The following NDUFA9 variants were observed in gnomAD, a reference collection of about 807,000 sequenced individuals.
NDUFA9 encodes the protein NADH dehydrogenase [ubiquinone] 1 alpha subcomplex subunit 9, mitochondrial.
In NDUFA9, 23 loss-of-function variants were observed where a neutral mutation model predicts 45.9. The observed-to-expected ratio is 0.50, with a 90% CI of 0.36 to 0.71. The LOEUF (loss-of-function observed/expected upper bound fraction) is 0.71. NDUFA9 is among the 30% of genes least tolerant of loss of function. The pLI, the probability that NDUFA9 is intolerant of heterozygous loss-of-function variation, is 0.00. For missense variants in NDUFA9, 466 were observed against 488.2 expected, an observed-to-expected ratio of 0.95 and a Z score of 0.43; for synonymous variants, 176 against 170.5, an observed-to-expected ratio of 1.03 and a Z score of -0.25.
chr12:4,658,823 C>T (rs1165693916), intron 4 of NDUFA9, among the ~76,000 whole-genome samples: 2 of 152,150 alleles, frequency 1.3e-5, no homozygotes, highest in African/African-American at 4.8e-5. Flanking sequence ...CTCCTGGGCT[C>T]AAATGATTCA....
chr12:4,653,037 C>T (rs1268245619), intron 1 of NDUFA9, among the ~76,000 whole-genome samples: 1 of 152,242 alleles, frequency 6.6e-6, no homozygotes, highest in African/African-American at 2.4e-5. Context: ...GAATGCTAAG[C>T]TCCGAAGTTT....
intron 7 of NDUFA9, among the ~76,000 whole-genome samples, chr12:4,668,987 A>T (rs1335143590): frequency 6.6e-6 from 1 of 152,238 alleles, no homozygotes; most frequent in African/African-American, 2.4e-5. Flanking sequence ...GGTAAGCCTG[A>T]TGAAAGGAGT....
Position 4,687,091 on chromosome 12 carries a change from A to G in NDUFA9, c.1117A>G (p.Lys373Glu). 2 of 1,614,134 alleles carry G rather than the reference A, an allele frequency of 1.2e-6. No homozygotes were observed. Among genetic ancestry groups the G allele is most frequent in the Non-Finnish European group, 1.7e-6 (2 of 1,180,022 alleles). Residue 373 changes from lysine to glutamate, a missense_variant, in exon 11 of 11, where the codon AAG becomes GAG. Transcript: ENST00000266544. Reference sequence around the variant, plus strand: ...TGAAATTGAGGATGTGAAGCCGGCCAAGACCGTCAACATTTAGTGCCTCCT... The same window carrying G: ...TGAAATTGAGGATGTGAAGCCGGCCGAGACCGTCAACATTTAGTGCCTCCT... Reference protein sequence around the residue: ...SAEIEDVKPAKTVNI With the variant: ...SAEIEDVKPAETVNI
At chr12:4,664,591 A>G (rs746525274) in intron 6 of NDUFA9, among the ~76,000 whole-genome samples, 1 of 152,142 alleles carries the variant, frequency 6.6e-6, no homozygotes, top group Non-Finnish European at 1.5e-5. Flanking sequence ...TTGGAGGTAC[A>G]GCTGCCTGAT....
chr12:4,694,190 C>G lies in NDUFA9; in HGVS notation c.*7082C>G, dbSNP rs1183955269. The G allele has an allele frequency of 6.6e-6, 1 of 152,196 alleles. No homozygotes were observed. Among genetic ancestry groups the G allele is most frequent in the Non-Finnish European group, 1.5e-5 (1 of 68,028 alleles). 9.4% of individuals were successfully genotyped at this position (152,196 alleles called of 1,614,324 possible). On this transcript the variant is annotated 3_prime_UTR_variant, in exon 11 of 11. Transcript: ENST00000266544. ...TACATTGTGTCTTAGCGTAGATTCA[C>G]CCGACCTCCTTCCCCAGTTTTGCTT...
At chr12:4,653,631 A>C (rs779047328) in intron 1 of NDUFA9, 51 of 452,728 alleles carry the variant, frequency 1.1e-4, no homozygotes, top group Non-Finnish European at 1.8e-4. Context: ...TTTCTCAAGC[A>C]CTTCACTCCT....
intron 8 of NDUFA9, among the ~76,000 whole-genome samples, chr12:4,679,704 CAGTT>C (rs1029189599): frequency 2.4e-4 from 37 of 152,222 alleles, no homozygotes; most frequent in African/African-American, 8.9e-4. Flanking sequence ...GTGGAGGCAA[CAGTT>C]AGGTAACTAT....
At chr12:4,669,378 A>G (rs1176031562) in intron 7 of NDUFA9, among the ~76,000 whole-genome samples, 1 of 152,230 alleles carries the variant, frequency 6.6e-6, no homozygotes, top group Non-Finnish European at 1.5e-5. Flanking sequence ...GAATGGTAAG[A>G]GATGAGCTTG....
At chr12:4,657,655 C>A in intron 3 of NDUFA9, 93 bp from the exon 4 acceptor site, 1 of 869,420 alleles carries the variant, frequency 1.2e-6, no homozygotes, top group Non-Finnish European at 1.9e-6. Flanking sequence ...CAGCAGATGG[C>A]CCATTTTGAA....
At chr12:4,664,728 T>G (rs1035713944) in intron 6 of NDUFA9, among the ~76,000 whole-genome samples, 2 of 152,166 alleles carry the variant, frequency 1.3e-5, no homozygotes, top group African/African-American at 4.8e-5. Flanking sequence ...GTCCTGAAGG[T>G]GAGACCACCA....
chr12:4,678,293 A>T (rs912583353), intron 8 of NDUFA9, among the ~76,000 whole-genome samples: 2 of 152,054 alleles, frequency 1.3e-5, no homozygotes, highest in East Asian at 1.9e-4. Flanking sequence ...TAAAAAAAAA[A>T]TTTCAATTGG....
intron 7 of NDUFA9, among the ~76,000 whole-genome samples, chr12:4,669,338 A>G (rs1377683585): frequency 6.6e-6 from 1 of 152,210 alleles, no homozygotes; most frequent in Non-Finnish European, 1.5e-5. Flanking sequence ...GTTAAGCCTA[A>G]TAGCTTGTGA....
In NDUFA9 at chr12:4,674,238, C is replaced by T. The variant is rs188733469; in HGVS notation, c.800+4421C>T. 5.2e-3 allele frequency among the ~76,000 whole-genome samples: 787 copies of T among 152,284 alleles called. 4 individuals are homozygous for T. Among genetic ancestry groups the T allele is most frequent in the African/African-American group, 0.017 (725 of 41,550 alleles). On this transcript the variant is annotated intron_variant, in intron 8 of 10. Coordinates refer to ENST00000266544, the MANE Select transcript of NDUFA9 (RefSeq NM_005002.5). Reference sequence around the variant, plus strand: ...CATACCAAATTCTTAAGACCATTGACGCTATGAAGAAACTGCATCAACTAA... The same window carrying T: ...CATACCAAATTCTTAAGACCATTGATGCTATGAAGAAACTGCATCAACTAA...
chr12:4,692,140 A>C lies in NDUFA9; in HGVS notation c.*5032A>C, dbSNP rs954304838. The C allele has an allele frequency of 1.3e-5, 2 of 152,180 alleles. No homozygotes were observed. The highest frequency in any genetic ancestry group is 4.8e-5 in the African/African-American group (2 of 41,442). 9.4% of individuals were successfully genotyped at this position (152,180 alleles called of 1,614,324 possible). A position where few individuals can be genotyped will look rare whatever the true frequency, so the allele number is the denominator to read the frequency against. On this transcript the variant is annotated 3_prime_UTR_variant, in exon 11 of 11. Coordinates refer to ENST00000266544, the MANE Select transcript of NDUFA9 (RefSeq NM_005002.5). Reference sequence around the variant, plus strand: ...ATGCTCTAAGGGAAGTCAGGTGCCTAATATTGGTGATGTGGTTTGGATGTC... The same window carrying C: ...ATGCTCTAAGGGAAGTCAGGTGCCTCATATTGGTGATGTGGTTTGGATGTC...
chr12:4,684,075 C>T (rs1190909950), intron 9 of NDUFA9, among the ~76,000 whole-genome samples: 2 of 152,108 alleles, frequency 1.3e-5, no homozygotes, highest in Admixed American at 6.5e-5. Context: ...CCACTGAGGA[C>T]ACTAGAATAG....
intron 1 of NDUFA9, among the ~76,000 whole-genome samples, chr12:4,652,118 A>G (rs1281283621): frequency 6.6e-6 from 1 of 152,208 alleles, no homozygotes; most frequent in Non-Finnish European, 1.5e-5. Context: ...CATAAACTCT[A>G]ATAGTTGATA....
chr12:4,664,531 A>G (rs1252655869), intron 6 of NDUFA9, among the ~76,000 whole-genome samples: 2 of 152,206 alleles, frequency 1.3e-5, no homozygotes. Context: ...CTCAGTTTAA[A>G]CACCACATGG....
At chr12:4,652,342 A>T (rs1044099695) in intron 1 of NDUFA9, among the ~76,000 whole-genome samples, 1 of 152,122 alleles carries the variant, frequency 6.6e-6, no homozygotes, top group Non-Finnish European at 1.5e-5. Context: ...AAACAAACCT[A>T]TTCCTGTCCT....
chr12:4,659,698 G>C (rs1945812839), intron 5 of NDUFA9, among the ~76,000 whole-genome samples: 1 of 152,142 alleles, frequency 6.6e-6, no homozygotes, highest in South Asian at 2.1e-4. Context: ...ACTGTAGTTT[G>C]GAGTCAGTCT....
Sources: gnomAD v4.1 joint callset for allele counts (sites outside exome capture counted in the v4.1 genomes callset) on GRCh38, gnomAD v4.1.1 for gene constraint, MANE v1.5 for transcripts, NCBI Gene and HGNC (gene_info 2026-07-23, HGNC 2026-07-21) for gene names.